Variants in GLIPR1L2 observed in about 807,000 individuals in gnomAD.
GLIPR1L2 encodes the protein GLIPR1-like protein 2.
A neutral mutation model predicts 28.4 loss-of-function variants in GLIPR1L2; 21 were observed. That is an observed-to-expected ratio of 0.74 (90% CI 0.52 to 1.06). The LOEUF is 1.06. Ranked by LOEUF, GLIPR1L2 falls within the 50% of genes least tolerant of loss-of-function variation. The probability of loss-of-function intolerance (pLI) is 0.00; values close to 1 mark genes in which losing one functional copy is unlikely to be tolerated. For missense variants in GLIPR1L2, 476 were observed against 416.9 expected, an observed-to-expected ratio of 1.14 and a Z score of -1.23; for synonymous variants, 145 against 139.3, an observed-to-expected ratio of 1.04 and a Z score of -0.29.
intron 1 of GLIPR1L2, among the ~76,000 whole-genome samples, chr12:75,395,612 C>G (rs1001660977): frequency 6.6e-6 from 1 of 151,400 alleles, no homozygotes; most frequent in Non-Finnish European, 1.5e-5. Context: ...ATTTGTATTA[C>G]TGATTTTTAT....
chr12:75,410,759 AC>A, intron 2 of GLIPR1L2, 80 bp downstream of exon 2: 1 of 1,039,066 alleles, frequency 9.6e-7, no homozygotes, highest in Non-Finnish European at 1.4e-6. Flanking sequence ...TCAAATTTGT[AC>A]ATAAACTCAA....
At chr12:75,402,408 T>G (rs1176939968) in intron 1 of GLIPR1L2, among the ~76,000 whole-genome samples, 3 of 152,152 alleles carry the variant, frequency 2.0e-5, no homozygotes, top group South Asian at 2.1e-4. Flanking sequence ...TTTAGAAATC[T>G]AGAATAACAA....
At chr12:75,423,494 C>T (rs1465876009) in intron 4 of GLIPR1L2, 9 of 809,240 alleles carry the variant, frequency 1.1e-5, no homozygotes, top group Non-Finnish European at 1.2e-5. Flanking sequence ...AAAAGTATAA[C>T]TGTAGCTAAA....
chr12:75,430,659 T>G, intron 4 of GLIPR1L2, 56 bp from the exon 5 acceptor site: 11 of 1,458,642 alleles, frequency 7.5e-6, no homozygotes, highest in Non-Finnish European at 9.2e-6. Flanking sequence ...TTATCTTATT[T>G]TTTAGACAAA....
chr12:75,403,825 C>T (rs905684499), intron 1 of GLIPR1L2, among the ~76,000 whole-genome samples: 3 of 152,102 alleles, frequency 2.0e-5, no homozygotes, highest in Non-Finnish European at 4.4e-5. Context: ...TTTCAAGAAA[C>T]TCAGGAACCC....
intron 4 of GLIPR1L2, among the ~76,000 whole-genome samples, chr12:75,429,942 T>TC (rs201277892): frequency 0.019 from 2,834 of 146,134 alleles, 102 homozygotes; most frequent in African/African-American, 0.068. Flanking sequence ...TTCTTTCTTT[T>TC]TTTTTTTTTT....
intron 1 of GLIPR1L2, among the ~76,000 whole-genome samples, chr12:75,399,691 CT>C (rs1188572926): frequency 6.6e-6 from 1 of 152,094 alleles, no homozygotes; most frequent in African/African-American, 2.4e-5. Context: ...TTTTTTAAAT[CT>C]ACATATGTAT....
At chr12:75,406,590 C>A (rs1336848193) in intron 1 of GLIPR1L2, among the ~76,000 whole-genome samples, 1 of 151,550 alleles carries the variant, frequency 6.6e-6, no homozygotes, top group Non-Finnish European at 1.5e-5. Context: ...CACCCTGTCT[C>A]TACCAAAAAA....
At chr12:75,409,024 C>G (rs759156921) in intron 1 of GLIPR1L2, among the ~76,000 whole-genome samples, 6 of 151,974 alleles carry the variant, frequency 3.9e-5, no homozygotes, top group Non-Finnish European at 5.9e-5. Flanking sequence ...CTAAGGCAAG[C>G]TTGTTCAATC....
chr12:75,406,265 C>A (rs959029842), intron 1 of GLIPR1L2, among the ~76,000 whole-genome samples: 1 of 151,898 alleles, frequency 6.6e-6, no homozygotes, highest in African/African-American at 2.4e-5. Flanking sequence ...GTCAACTGTT[C>A]AAAACTTTCG....
At chr12:75,392,838 T>C (rs2045644835) in intron 1 of GLIPR1L2, among the ~76,000 whole-genome samples, 1 of 152,058 alleles carries the variant, frequency 6.6e-6, no homozygotes, top group African/African-American at 2.4e-5. Flanking sequence ...TAGTATTTGA[T>C]ATATAGGTTA....
chr12:75,423,585 T>C, intron 4 of GLIPR1L2: 1 of 563,302 alleles, frequency 1.8e-6, no homozygotes. Context: ...TTTTAATTAT[T>C]ATACTTTAAG....
chr12:75,408,705 G>T (rs776423159), intron 1 of GLIPR1L2, among the ~76,000 whole-genome samples: 18 of 151,886 alleles, frequency 1.2e-4, no homozygotes, highest in Admixed American at 1.1e-3. Context: ...AGCAAATCTA[G>T]TTATGTTAAT....
chr12:75,414,685 A>G (rs184464024), intron 3 of GLIPR1L2, among the ~76,000 whole-genome samples: 32 of 152,220 alleles, frequency 2.1e-4, no homozygotes, highest in African/African-American at 6.7e-4. Flanking sequence ...GCATTGGGAT[A>G]CCTATTACAT....
intron 4 of GLIPR1L2, chr12:75,423,445 T>C: frequency 1.1e-6 from 1 of 919,052 alleles, no homozygotes; most frequent in Non-Finnish European, 1.3e-6. Flanking sequence ...TTGATTACAT[T>C]TTTCTTTTAG....
chr12:75,400,895 C>T (rs11180488), intron 1 of GLIPR1L2, among the ~76,000 whole-genome samples: 48,672 of 151,384 alleles, frequency 0.32, 8,603 homozygotes, highest in East Asian at 0.46. Context: ...AACAAAACAT[C>T]AAAATGGAAG....
chr12:75,400,793 A>C (rs2045732341), intron 1 of GLIPR1L2, among the ~76,000 whole-genome samples: 1 of 152,220 alleles, frequency 6.6e-6, no homozygotes, highest in Admixed American at 6.5e-5. Context: ...GCAACAATTT[A>C]AAACAATATC....
intron 1 of GLIPR1L2, among the ~76,000 whole-genome samples, chr12:75,396,256 T>G (rs756176090): frequency 1.8e-4 from 27 of 152,014 alleles, no homozygotes; most frequent in Non-Finnish European, 3.1e-4. Flanking sequence ...CCTTTAACCC[T>G]GGGGCTCAAG....
At position 75,419,970 on chromosome 12, in the gene GLIPR1L2, T is replaced by C. The variant is rs143500911; in HGVS notation, c.585-2934T>C. ...TGCTGCTGCCTACACTGTATTTCTC[T>C]TAAACTTATTGGAATAGATTCTTCT... is the stretch of plus-strand genomic sequence containing the variant. On this transcript the variant is annotated intron_variant, in intron 3 of 5. Transcript: ENST00000550916. Among the ~76,000 whole-genome samples, 27 of 152,346 alleles carry C rather than the reference T, an allele frequency of 1.8e-4. No homozygotes were observed. The East Asian group carries it at 5.0e-3, about 28-fold the overall frequency.
Sources: allele counts gnomAD v4.1 joint callset (sites outside exome capture counted in the v4.1 genomes callset), GRCh38; gene constraint gnomAD v4.1.1; transcripts MANE v1.5; gene names NCBI Gene and HGNC (gene_info 2026-07-23, HGNC 2026-07-21).